UBASH3B: variants seen among roughly 807,000 people sequenced by gnomAD.
UBASH3B encodes ubiquitin associated and SH3 domain containing B.
In UBASH3B, 37 loss-of-function variants were observed where a neutral mutation model predicts 83.4. The observed-to-expected ratio is 0.44, with a 90% CI of 0.34 to 0.58. The LOEUF is 0.58. UBASH3B is among the 20% of genes least tolerant of loss of function. UBASH3B has a pLI of 0.01. For synonymous variants in UBASH3B, 304 were observed against 318.3 expected (o/e 0.96, Z 0.48); for missense variants, 657 against 827.2 (o/e 0.79, Z 2.52).
At chr11:122,794,624 C>T (rs1861121157) in intron 6 of UBASH3B, 78 bp from the exon 7 acceptor site, 1 of 1,577,498 alleles carries the variant, frequency 6.3e-7, no homozygotes, top group Non-Finnish European at 8.7e-7. Context: ...TTAACTCCCA[C>T]ACTCCTGTTG....
At chr11:122,697,791 G>A (rs1443577531) in intron 1 of UBASH3B, among the ~76,000 whole-genome samples, 1 of 152,136 alleles carries the variant, frequency 6.6e-6, no homozygotes, top group African/African-American at 2.4e-5. Flanking sequence ...ATAGATACAT[G>A]GGTTTACAGC....
intron 1 of UBASH3B, among the ~76,000 whole-genome samples, chr11:122,694,063 T>C (rs2135922315): frequency 6.6e-6 from 1 of 152,286 alleles, no homozygotes; most frequent in Admixed American, 6.5e-5. Flanking sequence ...CCATGCAGCC[T>C]GATTTGGGTG....
At chr11:122,752,962 C>T (rs1425217344) in intron 1 of UBASH3B, among the ~76,000 whole-genome samples, 1 of 152,100 alleles carries the variant, frequency 6.6e-6, no homozygotes, top group Non-Finnish European at 1.5e-5. Flanking sequence ...CTCACCTGCC[C>T]TTCTGTTTGG....
chr11:122,748,617 T>C (rs1464026552), intron 1 of UBASH3B, among the ~76,000 whole-genome samples: 2 of 152,234 alleles, frequency 1.3e-5, no homozygotes, highest in Admixed American at 1.3e-4. Context: ...CATCTTCTCC[T>C]TGATTCTTTG....
At chr11:122,699,531 C>CTTTCTCTTTCTTTCTTTCTTTCTTTCTT (rs200613782) in intron 1 of UBASH3B, among the ~76,000 whole-genome samples, 2 of 107,936 alleles carry the variant, frequency 1.9e-5, no homozygotes, top group African/African-American at 7.0e-5. Flanking sequence ...TTCTTTCTTT[C>CTTTCTCTTTCTTTCTTTCTTTCTTTCTT]TCTTTCTTTC....
chr11:122,699,565 C>CT (rs1464798401), intron 1 of UBASH3B, among the ~76,000 whole-genome samples: 6 of 124,400 alleles, frequency 4.8e-5, no homozygotes, highest in African/African-American at 1.5e-4. Context: ...TTCTTTCTTT[C>CT]TTTCTTTCTT....
chr11:122,704,022 G>A (rs1405274070), intron 1 of UBASH3B, among the ~76,000 whole-genome samples: 1 of 152,204 alleles, frequency 6.6e-6, no homozygotes, highest in Non-Finnish European at 1.5e-5. Context: ...GACTCACTTG[G>A]ACTCGGAAAC....
intron 1 of UBASH3B, among the ~76,000 whole-genome samples, chr11:122,674,375 CTGTCTT>C (rs1565524555): frequency 6.9e-6 from 1 of 144,972 alleles, no homozygotes; most frequent in African/African-American, 2.6e-5. Context: ...CAAACATTGT[CTGTCTT>C]TTTTTTTTTT....
chr11:122,804,807 A>G (rs949746846), intron 11 of UBASH3B, among the ~76,000 whole-genome samples: 3 of 152,230 alleles, frequency 2.0e-5, no homozygotes, highest in Non-Finnish European at 1.5e-5. Context: ...CCCAGCAGTG[A>G]AAGACAAAAT....
chr11:122,743,559 C>G (rs1055338792), intron 1 of UBASH3B, among the ~76,000 whole-genome samples: 8 of 152,162 alleles, frequency 5.3e-5, no homozygotes, highest in African/African-American at 1.9e-4. Flanking sequence ...TTGCCTTCAG[C>G]TTCCTCATCT....
At chr11:122,778,600 T>TC (rs1443545444) in intron 3 of UBASH3B, among the ~76,000 whole-genome samples, 1 of 148,916 alleles carries the variant, frequency 6.7e-6, no homozygotes. Flanking sequence ...ATTTTTTTTT[T>TC]CTTTTTCTTT....
At chr11:122,717,936 A>C (rs1591784216) in intron 1 of UBASH3B, among the ~76,000 whole-genome samples, 4 of 126,624 alleles carry the variant, frequency 3.2e-5, no homozygotes, top group South Asian at 2.4e-4. Context: ...GACAAGTCTC[A>C]CTCTGTCACC....
At chr11:122,748,028 T>C (rs1287879356) in intron 1 of UBASH3B, among the ~76,000 whole-genome samples, 2 of 152,172 alleles carry the variant, frequency 1.3e-5, no homozygotes, top group East Asian at 3.8e-4. Context: ...TATGAAATCA[T>C]TAACTGGGAC....
intron 1 of UBASH3B, among the ~76,000 whole-genome samples, chr11:122,687,088 C>T (rs913508156): frequency 4.5e-4 from 68 of 152,184 alleles, no homozygotes; most frequent in African/African-American, 1.6e-3. Context: ...AGGCTGGTCT[C>T]GAACTCCCGA....
At chr11:122,720,869 A>T (rs1860616596) in intron 1 of UBASH3B, among the ~76,000 whole-genome samples, 1 of 152,050 alleles carries the variant, frequency 6.6e-6, no homozygotes, top group Non-Finnish European at 1.5e-5. Context: ...AAACTGCATG[A>T]GGTCAAAAAT....
chr11:122,722,026 A>C (rs1235185724), intron 1 of UBASH3B, among the ~76,000 whole-genome samples: 4 of 152,226 alleles, frequency 2.6e-5, no homozygotes, highest in Admixed American at 2.6e-4. Flanking sequence ...TAGTCATCAT[A>C]CTTTTGAAGA....
At position 122,806,144 on chromosome 11, in the gene UBASH3B, C is replaced by T. The variant is rs1861336526; in HGVS notation, c.1596-266C>T. Among the ~76,000 whole-genome samples, 1 of 152,110 alleles carries T rather than the reference C, an allele frequency of 6.6e-6. No individual in the cohort carries two copies. Among genetic ancestry groups the T allele is most frequent in the Non-Finnish European group, 1.5e-5 (1 of 68,028 alleles). Reference sequence around the variant, plus strand: ...ATCCATCAATGGCTTATTTGTTATCCCGAGAGTGAAACATGCACTGAATGT... The same window carrying T: ...ATCCATCAATGGCTTATTTGTTATCTCGAGAGTGAAACATGCACTGAATGT... On this transcript the variant is annotated intron_variant, in intron 11 of 13. Transcript: ENST00000284273. This position sits in a 1 kb window ranked among gnomAD's most constrained non-coding sequence, Gnocchi z 4.0.
At chr11:122,801,046 A>C (rs1861250409) in intron 10 of UBASH3B, 142 bp from the exon 11 acceptor site, 4 of 1,045,614 alleles carry the variant, frequency 3.8e-6, no homozygotes, top group Non-Finnish European at 5.5e-6. Flanking sequence ...AACCTTGTCC[A>C]AATCCACATG....
intron 1 of UBASH3B, among the ~76,000 whole-genome samples, chr11:122,738,298 T>TA (rs1860967332): frequency 6.6e-6 from 1 of 152,222 alleles, no homozygotes; most frequent in South Asian, 2.1e-4. Flanking sequence ...CATGAATAAC[T>TA]ATTAGGGACT....
Sources: allele counts gnomAD v4.1 joint callset (sites outside exome capture counted in the v4.1 genomes callset), GRCh38; gene constraint gnomAD v4.1.1; non-coding constraint Gnocchi (gnomAD v3.1); transcripts MANE v1.5; gene names NCBI Gene and HGNC (gene_info 2026-07-23, HGNC 2026-07-21).